Variants in WASF1 observed in about 807,000 individuals in gnomAD.
The protein encoded by WASF1 is WASP family member 1.
In WASF1, 7 loss-of-function variants were observed where a neutral mutation model predicts 50.5. The observed-to-expected ratio is 0.14, with a 90% confidence interval of 0.08 to 0.26. The LOEUF is 0.26. WASF1 is among the 10% of genes least tolerant of loss of function. The pLI is 1.00. For synonymous variants in WASF1, 205 were observed against 244.0 expected (o/e 0.84, Z 1.49); for missense variants, 470 against 694.7 (o/e 0.68, Z 3.64).
intron 4 of WASF1, among the ~76,000 whole-genome samples, chr6:110,116,824 C>T (rs909425038): frequency 1.3e-5 from 2 of 152,134 alleles, no homozygotes; most frequent in African/African-American, 2.4e-5. Flanking sequence ...ATGAAGCTTC[C>T]AGAGGAAGGA....
intron 2 of WASF1, among the ~76,000 whole-genome samples, chr6:110,176,598 T>C (rs896505903): frequency 1.3e-5 from 2 of 152,098 alleles, no homozygotes; most frequent in African/African-American, 4.8e-5. Flanking sequence ...TCACTAAATA[T>C]ATTAATTCAA....
intron 4 of WASF1, among the ~76,000 whole-genome samples, chr6:110,125,411 C>G (rs1328770801): frequency 6.6e-6 from 1 of 152,158 alleles, no homozygotes; most frequent in Non-Finnish European, 1.5e-5. Flanking sequence ...AGTGATGCCT[C>G]CTTCTAGTAT....
chr6:110,162,587 T>C (rs377109436), intron 2 of WASF1, among the ~76,000 whole-genome samples: 56 of 151,494 alleles, frequency 3.7e-4, no homozygotes, highest in African/African-American at 1.4e-3. Flanking sequence ...TCATCCTAGA[T>C]ATGCAAGGCT....
intron 3 of WASF1, among the ~76,000 whole-genome samples, chr6:110,158,300 G>C (rs1383997833): frequency 1.2e-5 from 1 of 83,218 alleles, no homozygotes; most frequent in Non-Finnish European, 2.3e-5. Context: ...TGTATGTGTC[G>C]AGGAATGTAT....
At chr6:110,131,433 C>T (rs1774663976) in intron 3 of WASF1, among the ~76,000 whole-genome samples, 1 of 152,136 alleles carries the variant, frequency 6.6e-6, no homozygotes, top group Non-Finnish European at 1.5e-5. Flanking sequence ...AATCAAGTTT[C>T]TATGTATTTT....
intron 6 of WASF1, 101 bp from the exon 7 acceptor site, chr6:110,107,295 T>C (rs1435117662): frequency 5.4e-6 from 4 of 739,362 alleles, no homozygotes; most frequent in Non-Finnish European, 8.5e-6. Flanking sequence ...ATTAATAAAA[T>C]ACAGCATGTT....
chr6:110,136,833 C>T (rs1562176714), intron 3 of WASF1, among the ~76,000 whole-genome samples: 1 of 152,186 alleles, frequency 6.6e-6, no homozygotes, highest in Non-Finnish European at 1.5e-5. Context: ...AGATATTCTA[C>T]TTGCCCTACT....
At chr6:110,131,712 A>G (rs2114526050) in intron 3 of WASF1, among the ~76,000 whole-genome samples, 1 of 152,288 alleles carries the variant, frequency 6.6e-6, no homozygotes, top group African/African-American at 2.4e-5. Flanking sequence ...CATGTTGTCC[A>G]GGCTGGTCTC....
chr6:110,142,042 A>G (rs753407564), intron 3 of WASF1, among the ~76,000 whole-genome samples: 2 of 152,170 alleles, frequency 1.3e-5, no homozygotes, highest in Non-Finnish European at 2.9e-5. Flanking sequence ...TAAAGCAACT[A>G]CTTAATCATG....
intron 6 of WASF1, 75 bp downstream of exon 6, chr6:110,108,453 G>C: frequency 7.0e-7 from 1 of 1,429,036 alleles, no homozygotes; most frequent in Non-Finnish European, 9.5e-7. Flanking sequence ...ATGAAATAAA[G>C]AATGTTTGGG....
rs940735863 is a variant in WASF1, at chr6:110,130,568, C to T, written c.-28-2939G>A. On this transcript the variant is annotated intron_variant, in intron 3 of 10. Coordinates refer to ENST00000392589, the MANE Select transcript of WASF1 (RefSeq NM_003931.3). ...CTGTGCAGGTTGTTCATTTTCATTG[C>T]TGTATAATAGTCCACTATATGACAA... 2.6e-5 allele frequency among the ~76,000 whole-genome samples: 4 copies of T among 152,148 alleles called. No homozygotes were observed. In the East Asian group the frequency reaches 7.7e-4, roughly 29 times the overall value.
At chr6:110,153,313 A>G (rs1775906913) in intron 3 of WASF1, among the ~76,000 whole-genome samples, 2 of 152,178 alleles carry the variant, frequency 1.3e-5, no homozygotes, top group South Asian at 4.1e-4. Context: ...TAATAATGGC[A>G]AAATAGTTTA....
intron 3 of WASF1, among the ~76,000 whole-genome samples, chr6:110,134,846 T>C (rs1389139474): frequency 6.6e-6 from 1 of 152,222 alleles, no homozygotes; most frequent in African/African-American, 2.4e-5. Context: ...TTGCTTTAGC[T>C]ATGCAGGCCC....
At chr6:110,140,034 T>C (rs1299277892) in intron 3 of WASF1, among the ~76,000 whole-genome samples, 3 of 152,202 alleles carry the variant, frequency 2.0e-5, no homozygotes, top group East Asian at 3.8e-4. Flanking sequence ...ATCTAAAGCA[T>C]TGCTTTTTTG....
At chr6:110,118,903 A>T (rs370778650) in intron 4 of WASF1, among the ~76,000 whole-genome samples, 4 of 152,160 alleles carry the variant, frequency 2.6e-5, no homozygotes, top group Admixed American at 6.5e-5. Context: ...TCAAAACCGC[A>T]CAACTACATG....
intron 3 of WASF1, among the ~76,000 whole-genome samples, chr6:110,149,546 T>C (rs1775734942): frequency 6.7e-6 from 1 of 149,324 alleles, no homozygotes; most frequent in Admixed American, 6.7e-5. Context: ...AATCTTAACC[T>C]GGAAGAGAAA....
intron 4 of WASF1, among the ~76,000 whole-genome samples, chr6:110,123,093 A>C (rs935226919): frequency 6.6e-6 from 1 of 152,210 alleles, no homozygotes; most frequent in African/African-American, 2.4e-5. Flanking sequence ...GAAGATTATG[A>C]TGTAAAGGTA....
intron 5 of WASF1, 38 bp downstream of exon 5, chr6:110,113,288 T>C (rs1207494517): frequency 2.7e-6 from 4 of 1,460,238 alleles, no homozygotes. Context: ...TAACTTAAAA[T>C]ATATACGTAG....
rs191309212 is a variant in WASF1 at position 110,133,004 on chromosome 6, G to A, written c.-28-5375C>T. 1.3e-3 allele frequency among the ~76,000 whole-genome samples: 187 copies of A among 143,336 alleles called. 1 individual carries two copies. The highest frequency in any genetic ancestry group is 2.0e-3 in the Non-Finnish European group (130 of 66,310). 94.0% of individuals were successfully genotyped at this position (143,336 alleles called of 152,430 possible). A position where few individuals can be genotyped will look rare whatever the true frequency, so the allele number is the denominator to read the frequency against. ...CACACACACCATGGAATACTACACAGCCATAAAAAAGAATGAAAATAATGA... is the reference window on the plus strand; with the variant it reads ...CACACACACCATGGAATACTACACAACCATAAAAAAGAATGAAAATAATGA... On this transcript the variant is annotated intron_variant, in intron 3 of 10. Coordinates refer to ENST00000392589, the MANE Select transcript of WASF1 (RefSeq NM_003931.3).
Sources: allele counts gnomAD v4.1 joint callset (sites outside exome capture counted in the v4.1 genomes callset), GRCh38; gene constraint gnomAD v4.1.1; transcripts MANE v1.5; gene names NCBI Gene and HGNC (gene_info 2026-07-23, HGNC 2026-07-21).